Variants in NBAS observed in about 807,000 individuals in gnomAD.
The protein encoded by NBAS is NAG/BC035112 fusion.
A neutral mutation model predicts 302.5 loss-of-function variants in NBAS; 219 were observed. The ratio of observed to expected loss-of-function variants is 0.72; its 90% CI spans 0.65 to 0.81. The LOEUF (loss-of-function observed/expected upper bound fraction) is 0.81. Among genes scored for constraint, NBAS ranks in the 30% least tolerant of loss-of-function variants. The probability of loss-of-function intolerance (pLI) is 0.00; values close to 1 mark genes in which losing one functional copy is unlikely to be tolerated. For synonymous variants in NBAS, 1,118 were observed against 1,021.6 expected (o/e 1.09, Z -1.80); for missense variants, 2,932 against 2,841.6 (o/e 1.03, Z -0.72).
At chr2:15,288,138 G>T (rs1241095188) in intron 41 of NBAS, among the ~76,000 whole-genome samples, 1 of 152,230 alleles carries the variant, frequency 6.6e-6, no homozygotes, top group Non-Finnish European at 1.5e-5. Context: ...GTGCATCCCT[G>T]GTCTAGGGGT....
At chr2:15,316,486 C>T (rs1250370290) in intron 38 of NBAS, among the ~76,000 whole-genome samples, 1 of 152,194 alleles carries the variant, frequency 6.6e-6, no homozygotes, top group Non-Finnish European at 1.5e-5. Context: ...AGCCATGACA[C>T]ACTGTACCTG....
At chr2:15,020,496 G>A in the NBAS span, among the ~76,000 whole-genome samples, 1 of 152,164 alleles carries the variant, frequency 6.6e-6, no homozygotes, top group Non-Finnish European at 1.5e-5. Flanking sequence ...GGAGGCAAAG[G>A]CAGAGATCCT....
chr2:15,365,917 T>C (rs1674175291), intron 32 of NBAS, among the ~76,000 whole-genome samples: 1 of 151,560 alleles, frequency 6.6e-6, no homozygotes, highest in African/African-American at 2.4e-5. Flanking sequence ...AGCAGAAGGA[T>C]GTAGTTAAGG....
intron 47 of NBAS, among the ~76,000 whole-genome samples, chr2:15,231,315 A>G (rs1208854081): frequency 6.6e-6 from 1 of 152,204 alleles, no homozygotes; most frequent in African/African-American, 2.4e-5. Context: ...CCTGCTTGCA[A>G]TGTTTTTCCA....
the NBAS span, among the ~76,000 whole-genome samples, chr2:15,047,412 C>T: frequency 6.6e-6 from 1 of 151,946 alleles, no homozygotes; most frequent in Admixed American, 6.5e-5. Flanking sequence ...CAGGTGAAGG[C>T]TGGGCTTATG....
chr2:15,173,685 A>G (rs1007952077), intron 51 of NBAS, among the ~76,000 whole-genome samples: 1 of 152,168 alleles, frequency 6.6e-6, no homozygotes, highest in African/African-American at 2.4e-5. Flanking sequence ...AACCAAAACT[A>G]TGACAAATCA....
intron 50 of NBAS, among the ~76,000 whole-genome samples, chr2:15,183,784 A>T (rs1181328420): frequency 6.6e-6 from 1 of 152,204 alleles, no homozygotes; most frequent in African/African-American, 2.4e-5. Context: ...GAGCAGACGC[A>T]GTACATCCCT....
chr2:15,200,619 A>G (rs1051279638), intron 48 of NBAS, among the ~76,000 whole-genome samples: 2 of 152,252 alleles, frequency 1.3e-5, no homozygotes, highest in Non-Finnish European at 2.9e-5. Context: ...TAGGATTATA[A>G]AGAACAAAAT....
Position 15,330,697 on chromosome 2 carries a change from T to G in NBAS, c.4248A>C (p.Lys1416Asn). The G allele has an allele frequency of 3.1e-6, 5 of 1,614,086 alleles. No homozygotes were observed. Among genetic ancestry groups the G allele is most frequent in the Non-Finnish European group, 4.2e-6 (5 of 1,179,962 alleles). Residue 1416 changes from lysine (K) to asparagine (N), a missense_variant, in exon 36 of 52, where the codon AAA (lysine) becomes AAC (asparagine). By Grantham distance (94) the Lys-to-Asn change is moderately conservative. Transcript: ENST00000281513. ...LLRWTTATTM[K>N]VLSNTTTTTK... is the part of the protein sequence containing the mutation. ...TGGTGGTTGTGGTGTTGGAAAGGAC[T>G]TTCATGGTGGTAGCAGTGGTCCAGC...
At chr2:15,021,263 G>A in the NBAS span, among the ~76,000 whole-genome samples, 2,091 of 151,918 alleles carry the variant, frequency 0.014, 57 homozygotes, top group African/African-American at 0.049. Flanking sequence ...TTGACCATAC[G>A]GAGATAAGTA....
At chr2:15,277,949 G>A (rs1328927313) in intron 42 of NBAS, among the ~76,000 whole-genome samples, 2 of 152,038 alleles carry the variant, frequency 1.3e-5, no homozygotes, top group Admixed American at 1.3e-4. Flanking sequence ...AATTGTAAGA[G>A]TCCTTCAGGC....
chr2:14,916,333 G>A, the NBAS span, among the ~76,000 whole-genome samples: 216 of 152,222 alleles, frequency 1.4e-3, no homozygotes, highest in African/African-American at 4.4e-3. Context: ...GCAACGTAAA[G>A]GACAAACACT....
chr2:15,064,314 A>G, the NBAS span, among the ~76,000 whole-genome samples: 1 of 151,602 alleles, frequency 6.6e-6, no homozygotes, highest in Non-Finnish European at 1.5e-5. Context: ...AAAAAAAAAA[A>G]AAAAAATCAG....
intron 44 of NBAS, among the ~76,000 whole-genome samples, chr2:15,268,144 A>T (rs761249517): frequency 6.6e-6 from 1 of 152,244 alleles, no homozygotes; most frequent in Non-Finnish European, 1.5e-5. Flanking sequence ...CTTGGCCCAT[A>T]AAGCAGGAAG....
At chr2:15,433,196 A>G (rs1677844288) in intron 21 of NBAS, among the ~76,000 whole-genome samples, 2 of 152,220 alleles carry the variant, frequency 1.3e-5, no homozygotes, top group Admixed American at 1.3e-4. Context: ...AGAGAAGTCT[A>G]ACCTCTGGGT....
the NBAS span, among the ~76,000 whole-genome samples, chr2:14,856,990 A>G: frequency 6.6e-6 from 1 of 152,354 alleles, no homozygotes; most frequent in South Asian, 2.1e-4. Context: ...ATGTAAAATC[A>G]GCATACAAAA....
the NBAS span, among the ~76,000 whole-genome samples, chr2:14,793,068 TTCTCTCTC>T: frequency 1.1e-4 from 16 of 147,408 alleles, no homozygotes; most frequent in African/African-American, 2.7e-4. Flanking sequence ...CTGTCTCTGT[TTCTCTCTC>T]TCTCTCTCTC....
At chr2:15,375,464 G>A (rs1400747462) in intron 30 of NBAS, among the ~76,000 whole-genome samples, 1 of 152,120 alleles carries the variant, frequency 6.6e-6, no homozygotes, top group East Asian at 1.9e-4. Context: ...CACAGATCAC[G>A]AGATGCAGGT....
intron 48 of NBAS, among the ~76,000 whole-genome samples, chr2:15,195,432 GA>G (rs1357436969): frequency 6.6e-6 from 1 of 152,170 alleles, no homozygotes; most frequent in Non-Finnish European, 1.5e-5. Flanking sequence ...TGAAATGGGG[GA>G]AAGATTAATG....
Sources: allele counts gnomAD v4.1 joint callset (sites outside exome capture counted in the v4.1 genomes callset), GRCh38; gene constraint gnomAD v4.1.1; transcripts MANE v1.5; gene names NCBI Gene and HGNC (gene_info 2026-07-23, HGNC 2026-07-21).